The following HTT variants were observed in gnomAD, a reference collection of about 807,000 sequenced individuals.
HTT encodes huntington disease protein.
HTT carries 104 observed loss-of-function variants against 362.3 expected under a neutral mutation model. The ratio of observed to expected loss-of-function variants is 0.29; its 90% CI spans 0.24 to 0.34. HTT has a LOEUF of 0.34. Ranked by LOEUF, HTT falls within the 10% of genes least tolerant of loss-of-function variation. The pLI is 1.00. For missense variants in HTT, 3,301 were observed against 3,928.6 expected (o/e 0.84, Z 4.27); for synonymous variants, 1,577 against 1,548.7 (o/e 1.02, Z -0.43).
chr4:3,140,807 T>A (rs1035471362), intron 22 of HTT, 151 bp downstream of exon 22: 1 of 684,332 alleles, frequency 1.5e-6, no homozygotes, highest in African/African-American at 1.8e-5. Flanking sequence ...TAGGATATTA[T>A]CATTTTGAGG....
intron 21 of HTT, among the ~76,000 whole-genome samples, chr4:3,137,703 A>T (rs1203043103): frequency 6.6e-6 from 1 of 152,200 alleles, no homozygotes; most frequent in African/African-American, 2.4e-5. Flanking sequence ...TCTCAAAACA[A>T]ACAAAGATTT....
Position 3,230,052 on chromosome 4 carries a change from A to G in HTT, c.8265+10A>G. The G allele has an allele frequency of 6.2e-7, 1 of 1,612,696 alleles. No individual in the cohort carries two copies. Among genetic ancestry groups the G allele is most frequent in the South Asian group, 1.1e-5 (1 of 91,026 alleles). On this transcript the variant is annotated intron_variant, in intron 60 of 66. Coordinates refer to ENST00000355072, the MANE Select transcript of HTT (RefSeq NM_001388492.1). ...TGCCGTCCTTGGGATGGTAAGTGAC[A>G]GGTGGCACAGAGGTTTCTGTGCTGA...
chr4:3,178,936 C>T lies in HTT; in HGVS notation c.4612+490C>T, dbSNP rs73191198. Among the ~76,000 whole-genome samples, 440 of 152,296 alleles carry T rather than the reference C, an allele frequency of 2.9e-3. 1 individual carries two copies. Among genetic ancestry groups the T allele is most frequent in the Non-Finnish European group, 4.9e-3 (335 of 68,022 alleles). ...CTTAAATAAGGAACCCAGGAGATGGCCAGCTGTGCAAGCCCCCAGCCTGTG... is the reference window on the plus strand; with the variant it reads ...CTTAAATAAGGAACCCAGGAGATGGTCAGCTGTGCAAGCCCCCAGCCTGTG... On this transcript the variant is annotated intron_variant, in intron 35 of 66. Coordinates refer to ENST00000355072, the MANE Select transcript of HTT (RefSeq NM_001388492.1).
chr4:3,233,284 A>G lies in HTT; in HGVS notation c.8387A>G (p.Asp2796Gly). The G allele has an allele frequency of 1.2e-6, 2 of 1,611,460 alleles. No individual in the cohort carries two copies. Among genetic ancestry groups the G allele is most frequent in the Non-Finnish European group, 1.7e-6 (2 of 1,178,330 alleles). The change falls in exon 61 of 67, where the codon GAC (aspartate) becomes GGC (glycine). Residue 2796 changes from aspartate (D) to glycine (G), a missense_variant. Transcript: ENST00000355072. ...VLYVLECDLL[D>G]DTAKQLIPVI... ...TATGTGCTGGAGTGCGACCTGCTGG[A>G]CGACACTGCCAAGCAGCTCATCCCG...
At chr4:3,083,530 TACACACACAC>T (rs56210756) in intron 1 of HTT, among the ~76,000 whole-genome samples, 8,945 of 124,800 alleles carry the variant, frequency 0.072, 399 homozygotes, top group Middle Eastern at 0.098. Flanking sequence ...TCTCTAAATA[TACACACACAC>T]ACACACACAC....
Position 3,206,642 on chromosome 4 carries a change from G to C in HTT, c.5865G>C (p.Gln1955His), listed in dbSNP as rs368505061. 1 of 1,614,194 alleles carries C rather than the reference G, an allele frequency of 6.2e-7. No homozygotes were observed. The highest frequency in any genetic ancestry group is 1.1e-5 in the South Asian group (1 of 91,080). The change falls in exon 43 of 67, where the codon CAG (glutamine) becomes CAC (histidine). Residue 1955 changes from glutamine to histidine, a missense_variant. This residue lies in a region of HTT where 2,316 missense variants were observed against 2,658.5 expected (regional missense o/e 0.87). Coordinates refer to ENST00000355072, the MANE Select transcript of HTT (RefSeq NM_001388492.1). This position sits in a 1 kb window ranked among gnomAD's most constrained non-coding sequence, Gnocchi z 4.6. ...RNSAASGLFI[Q>H]AIQSRCENLS... ...CTGCTGCCAGCGGCCTGTTCATCCA[G>C]GCAATTCAGTCTCGTTGTGAAAACC... is the stretch of plus-strand genomic sequence containing the variant.
In HTT at chr4:3,186,664, C is replaced by G. The variant is rs1218328350; in HGVS notation, c.4934C>G (p.Ser1645Cys). The G allele has an allele frequency of 1.2e-5, 20 of 1,613,320 alleles. No individual in the cohort carries two copies. The highest frequency in any genetic ancestry group is 1.7e-5 in the Non-Finnish European group (20 of 1,179,500). The change falls in exon 38 of 67, where the codon TCC (serine) becomes TGC (cysteine). Residue 1645 changes from serine to cysteine, a missense_variant. Transcript: ENST00000355072. ...TTATTTGAGATTTTGGCCCCTTCCT[C>G]CCTCCGTCCGGTAGACATGCTTTTA... Reference protein sequence around the residue: ...NTLFEILAPSSLRPVDMLLRS... With the variant: ...NTLFEILAPSCLRPVDMLLRS...
intron 27 of HTT, among the ~76,000 whole-genome samples, chr4:3,156,222 CA>C (rs1717138550): frequency 6.6e-6 from 1 of 152,112 alleles, no homozygotes; most frequent in African/African-American, 2.4e-5. Context: ...CAGGTTCAAG[CA>C]ATTCTCCTGC....
intron 2 of HTT, among the ~76,000 whole-genome samples, chr4:3,096,642 T>A (rs1349438015): frequency 6.6e-6 from 1 of 152,208 alleles, no homozygotes; most frequent in African/African-American, 2.4e-5. Context: ...AAAGGGAAAT[T>A]TGAAAGTCTT....
At chr4:3,087,446 G>A (rs986264780) in intron 2 of HTT, among the ~76,000 whole-genome samples, 4 of 152,182 alleles carry the variant, frequency 2.6e-5, no homozygotes, top group Admixed American at 2.6e-4. Context: ...AGTGGCTGGA[G>A]CCCACTCCTC....
rs1000434746 is a variant in HTT, at chr4:3,154,351, A to G, written c.3557A>G (p.Lys1186Arg). ...PSLSPIRRKG[K>R]EKEPGEQASV... ...CTAAGTCCCATCCGACGAAAGGGGA[A>G]GGAGAAAGAACCAGGAGAACAAGCA... The change falls in exon 27 of 67, where the codon AAG becomes AGG. Residue 1186 changes from lysine to arginine, a missense_variant. Lys to Arg is a conservative substitution (Grantham distance 26). Transcript: ENST00000355072. 1 of 1,613,484 alleles carries G rather than the reference A, an allele frequency of 6.2e-7. No individual in the cohort carries two copies. The highest frequency in any genetic ancestry group is 1.6e-4 in the Middle Eastern group (1 of 6,062).
chr4:3,141,686 C>T (rs1044315777), intron 22 of HTT, among the ~76,000 whole-genome samples: 1 of 152,142 alleles, frequency 6.6e-6, no homozygotes, highest in African/African-American at 2.4e-5. Context: ...CACTTGAGCC[C>T]CGGAGGCAGA....
rs1206453454 is a variant in HTT at position 3,121,209 on chromosome 4, T to A, written c.1069-19T>A. On this transcript the variant is annotated intron_variant, in intron 8 of 66. Transcript: ENST00000355072. ...TTTTATAAACTCTGACCAGAACACC[T>A]GTGTTTCTCTGTTTCTAGGTTTATG... is the stretch of plus-strand genomic sequence containing the variant. 1 of 1,592,250 alleles carries A rather than the reference T, an allele frequency of 6.3e-7. No homozygotes were observed. The highest frequency in any genetic ancestry group is 8.6e-7 in the Non-Finnish European group (1 of 1,160,110).
chr4:3,136,210 A>G lies in HTT; in HGVS notation c.2698-16A>G. ...ATACAAGATTATGTTTATTTTTATT[A>G]TCCTTCTCTCTAAAGCTTTTAAAAC... On this transcript the variant is annotated splice_polypyrimidine_tract_variant and intron_variant, in intron 20 of 66. Transcript: ENST00000355072. 2.7e-6 allele frequency: 4 copies of G among 1,490,270 alleles called. No individual in the cohort carries two copies. The highest frequency in any genetic ancestry group is 1.2e-5 in the South Asian group (1 of 85,842). The allele number at this position is 1,490,270 out of a possible 1,614,324, so 92.3% of individuals were successfully genotyped here.
intron 2 of HTT, among the ~76,000 whole-genome samples, chr4:3,091,650 C>T (rs186550146): frequency 7.4e-4 from 113 of 152,288 alleles, no homozygotes; most frequent in Middle Eastern, 3.4e-3. Context: ...AGAACTGTGA[C>T]GAGTAAGTGC....
At chr4:3,087,266 T>A (rs1713256773) in intron 2 of HTT, among the ~76,000 whole-genome samples, 2 of 152,220 alleles carry the variant, frequency 1.3e-5, no homozygotes, top group South Asian at 2.1e-4. Context: ...TTGAACAACA[T>A]GTTTATGTTT....
Position 3,204,148 on chromosome 4 carries a change from C to T in HTT, c.5718C>T (p.Val1906=), listed in dbSNP as rs759556699. 1.5e-5 allele frequency: 25 copies of T among 1,613,954 alleles called. 1 individual carries two copies. The Admixed American group carries it at 1.8e-4, about 12-fold the overall frequency. Residue 1906 remains valine (V), a splice_region_variant and synonymous_variant, in exon 42 of 67, where the codon GTC becomes GTT. Coordinates refer to ENST00000355072, the MANE Select transcript of HTT (RefSeq NM_001388492.1). ...RGALILFCDY[V]CQNLHDSEHL... ...CTCTCATTCTCTTCTGTGATTATGTCGTAAGTTTGAAATGCCTGTAAACGG... is the reference window on the plus strand; with the variant it reads ...CTCTCATTCTCTTCTGTGATTATGTTGTAAGTTTGAAATGCCTGTAAACGG...
intron 2 of HTT, among the ~76,000 whole-genome samples, chr4:3,087,431 C>T (rs771534196): frequency 6.6e-6 from 1 of 152,196 alleles, no homozygotes; most frequent in African/African-American, 2.4e-5. Flanking sequence ...ACCTCTGCTC[C>T]TAGCAGTGGC....
rs1301270150 is a variant in HTT at position 3,235,733 on chromosome 4, C to T, written c.8740C>T (p.Arg2914Trp). The change falls in exon 63 of 67, where the codon CGG becomes TGG. Residue 2914 changes from arginine to tryptophan, a missense_variant. By Grantham distance (101) the Arg-to-Trp change is moderately radical. Around this residue, in one of 4 missense-constraint regions of HTT, gnomAD observed 753 missense variants for 1,021.3 expected, o/e 0.74. Transcript: ENST00000355072. ...CAGAGTGAACGTGCACAGCCCGCAC[C>T]GGGCCATGGCGGCTCTGGGCCTGAT... ...VDRVNVHSPH[R>W]AMAALGLMLT... 2 of 1,611,808 alleles carry T rather than the reference C, an allele frequency of 1.2e-6. No individual in the cohort carries two copies. The highest frequency in any genetic ancestry group is 1.3e-5 in the African/African-American group (1 of 74,948).
Sources: gnomAD v4.1 joint callset for allele counts (sites outside exome capture counted in the v4.1 genomes callset) on GRCh38, gnomAD v4.1.1 for gene constraint, gnomAD v4.1.1 regional missense constraint, Gnocchi (gnomAD v3.1) non-coding constraint, MANE v1.5 for transcripts, NCBI Gene and HGNC (gene_info 2026-07-23, HGNC 2026-07-21) for gene names.